Variants in DCBLD1 observed in about 807,000 individuals in gnomAD.
DCBLD1 encodes discoidin, CUB and LCCL domain containing 1, also known as discoidin, CUB and LCCL domain-containing protein 1.
A neutral mutation model predicts 71.5 loss-of-function variants in DCBLD1; 57 were observed. The ratio of observed to expected loss-of-function variants is 0.80; its 90% confidence interval spans 0.64 to 0.99. The LOEUF is 0.99. DCBLD1 is among the 50% of genes least tolerant of loss of function. The pLI is 0.00. For missense variants in DCBLD1, 891 were observed against 923.5 expected (o/e 0.96, Z 0.46); for synonymous variants, 380 against 363.8 (o/e 1.04, Z -0.51).
chr6:117,500,841 C>T (rs751752638), intron 1 of DCBLD1, among the ~76,000 whole-genome samples: 16 of 152,114 alleles, frequency 1.1e-4, no homozygotes, highest in South Asian at 2.1e-4. Context: ...CCAGCCTGGG[C>T]GACAGAGTGA....
intron 2 of DCBLD1, among the ~76,000 whole-genome samples, chr6:117,504,873 A>G (rs559545918): frequency 6.6e-6 from 1 of 152,336 alleles, no homozygotes; most frequent in Admixed American, 6.5e-5. Flanking sequence ...AAAATGATAT[A>G]GGTTTTAGGT....
At chr6:117,553,579 A>T (rs1583041055), downstream of DCBLD1, among the ~76,000 whole-genome samples, 1 of 152,224 alleles carries the variant, frequency 6.6e-6, no homozygotes, top group Non-Finnish European at 1.5e-5. Context: ...TCGAACAGTG[A>T]TCTCTTCTTG....
intron 14 of DCBLD1, among the ~76,000 whole-genome samples, chr6:117,556,954 A>G (rs1426368605): frequency 6.7e-6 from 1 of 150,090 alleles, no homozygotes; most frequent in Non-Finnish European, 1.5e-5. Context: ...TTTAATTTGC[A>G]TTTCTCTGAT....
At chr6:117,507,359 T>C (rs561304939) in intron 2 of DCBLD1, among the ~76,000 whole-genome samples, 13 of 152,338 alleles carry the variant, frequency 8.5e-5, no homozygotes, top group African/African-American at 2.9e-4. Context: ...TCTCACTGTT[T>C]CCTAATACAG....
chr6:117,514,457 A>T (rs1276583489), intron 2 of DCBLD1, among the ~76,000 whole-genome samples: 2 of 152,110 alleles, frequency 1.3e-5, no homozygotes. Flanking sequence ...AAATCAAAAA[A>T]TTAGCTGGAC....
Position 117,548,409 on chromosome 6 carries a change from C to T in DCBLD1, c.2118C>T (p.Leu706=). ...YSAPRDCLTP[L]NQTAMTALL ...CCCCCAGAGACTGCCTCACACCCCT[C>T]AACCAGACGGCCATGACTGCCCTTT... Residue 706 remains leucine, a synonymous_variant, in exon 15 of 15, where the codon CTC becomes CTT. Transcript: ENST00000338728. The T allele has an allele frequency of 6.4e-7, 1 of 1,550,712 alleles. No individual in the cohort carries two copies. The highest frequency in any genetic ancestry group is 8.7e-7 in the Non-Finnish European group (1 of 1,147,018).
chr6:117,495,730 G>A (rs1777446120), intron 1 of DCBLD1, among the ~76,000 whole-genome samples: 1 of 152,224 alleles, frequency 6.6e-6, no homozygotes, highest in Non-Finnish European at 1.5e-5. Context: ...TTCAGCAGAA[G>A]TCTCAAGACT....
chr6:117,538,909 C>T (rs566488306), intron 8 of DCBLD1, 74 bp downstream of exon 8: 81 of 1,452,896 alleles, frequency 5.6e-5, no homozygotes, highest in Non-Finnish European at 7.0e-5. Context: ...TGAAAATACG[C>T]TTATTGTTTA....
At chr6:117,506,910 G>A (rs1777862379) in intron 2 of DCBLD1, among the ~76,000 whole-genome samples, 1 of 152,240 alleles carries the variant, frequency 6.6e-6, no homozygotes, top group African/African-American at 2.4e-5. Flanking sequence ...AAATATGGTG[G>A]CTTCTAATGA....
chr6:117,485,039 A>T (rs531723972), intron 1 of DCBLD1: 1 of 152,198 alleles, frequency 6.6e-6, no homozygotes, highest in Non-Finnish European at 1.5e-5. Flanking sequence ...GTTTAACTAA[A>T]GGTACATATT....
chr6:117,544,469 G>A, intron 12 of DCBLD1, 59 bp from the exon 13 acceptor site: 3 of 1,569,700 alleles, frequency 1.9e-6, no homozygotes, highest in Non-Finnish European at 2.6e-6. Context: ...TGTTATATAG[G>A]GAGAGAGAGG....
At position 117,548,952 on chromosome 6, in the gene DCBLD1, CCTT is replaced by C; in HGVS notation, c.*514_*516del. 3 of 987,674 alleles carry C rather than the reference CCTT, an allele frequency of 3.0e-6. No individual in the cohort carries two copies. In the South Asian group the frequency reaches 1.4e-4, roughly 46 times the overall value. The allele number at this position is 987,674 out of a possible 1,614,324, so 61.2% of individuals were successfully genotyped here. The stretch of plus-strand genomic sequence containing the variant: ...TTGTTGTTATTGAGTCATTTCCTCT[CCTT>C]TGATAACTAGAACTGAAAGCATTTT... On this transcript the variant is annotated 3_prime_UTR_variant, in exon 15 of 15. Coordinates refer to ENST00000338728, the MANE Select transcript of DCBLD1 (RefSeq NM_001366458.2).
chr6:117,516,642 T>G (rs1209732497), intron 2 of DCBLD1, among the ~76,000 whole-genome samples: 1 of 152,180 alleles, frequency 6.6e-6, no homozygotes, highest in African/African-American at 2.4e-5. Context: ...TATTGGTCCA[T>G]TTTCATGCTG....
At chr6:117,499,240 C>A (rs866791351) in intron 1 of DCBLD1, among the ~76,000 whole-genome samples, 80 of 108,712 alleles carry the variant, frequency 7.4e-4, no homozygotes, top group African/African-American at 8.2e-4. Flanking sequence ...CCATCTCTAC[C>A]AAAAAAAAAA....
intron 2 of DCBLD1, among the ~76,000 whole-genome samples, chr6:117,516,767 TG>T (rs1450309027): frequency 1.2e-4 from 18 of 152,200 alleles, no homozygotes; most frequent in African/African-American, 4.1e-4. Context: ...ACGTCTCACC[TG>T]GTGGCAGACA....
chr6:117,565,247 G>GT (rs1779672407), intron 14 of DCBLD1, among the ~76,000 whole-genome samples: 1 of 152,116 alleles, frequency 6.6e-6, no homozygotes, highest in East Asian at 1.9e-4. Flanking sequence ...GATGATAGCT[G>GT]TATTTTCATA....
intron 2 of DCBLD1, among the ~76,000 whole-genome samples, chr6:117,519,011 C>T (rs951064732): frequency 1.3e-5 from 2 of 152,080 alleles, no homozygotes; most frequent in Non-Finnish European, 2.9e-5. Flanking sequence ...ATAAATAATA[C>T]CTCTCTTCAA....
At chr6:117,515,465 A>G (rs1380396780) in intron 2 of DCBLD1, among the ~76,000 whole-genome samples, 2 of 152,226 alleles carry the variant, frequency 1.3e-5, no homozygotes, top group African/African-American at 2.4e-5. Context: ...ATTAAAAGCA[A>G]CAAGTTACTA....
exon 15 of DCBLD1, chr6:117,569,682 G>T: frequency 3.1e-6 from 5 of 1,609,894 alleles, no homozygotes; most frequent in Non-Finnish European, 4.2e-6. Context: ...CTATCAGCAG[G>T]TTGCCCCGGA....
Sources: allele counts gnomAD v4.1 joint callset (sites outside exome capture counted in the v4.1 genomes callset), GRCh38; gene constraint gnomAD v4.1.1; transcripts MANE v1.5; gene names NCBI Gene and HGNC (gene_info 2026-07-23, HGNC 2026-07-21).